Variants in FMNL2 observed in about 807,000 individuals in gnomAD.
FMNL2 encodes the protein formin-like protein 2.
In FMNL2, 51 loss-of-function variants were observed where a neutral mutation model predicts 130.2. The ratio of observed to expected loss-of-function variants is 0.39; its 90% CI spans 0.31 to 0.49. FMNL2 has a LOEUF of 0.49. FMNL2 is among the 20% of genes least tolerant of loss of function. FMNL2 has a pLI of 0.85. For missense variants in FMNL2, 977 were observed against 1,316.2 expected, an observed-to-expected ratio of 0.74 and a Z score of 3.99; for synonymous variants, 465 against 467.1, an observed-to-expected ratio of 1.00 and a Z score of 0.06.
At chr2:152,529,255 T>C (rs1347487388) in intron 2 of FMNL2, among the ~76,000 whole-genome samples, 1 of 151,424 alleles carries the variant, frequency 6.6e-6, no homozygotes, top group African/African-American at 2.4e-5. Context: ...GAGTTTTCCT[T>C]ATAAGTCAAG....
intron 6 of FMNL2, among the ~76,000 whole-genome samples, chr2:152,574,253 T>C (rs1356102871): frequency 6.6e-6 from 1 of 151,842 alleles, no homozygotes; most frequent in African/African-American, 2.4e-5. Flanking sequence ...CTGGCCAACA[T>C]GGGGAAACTC....
At chr2:152,547,098 A>G (rs1694690421) in intron 3 of FMNL2, among the ~76,000 whole-genome samples, 1 of 152,050 alleles carries the variant, frequency 6.6e-6, no homozygotes, top group African/African-American at 2.4e-5. Context: ...GGCTTGTGCT[A>G]CCATGCCTAA....
chr2:152,463,956 G>A (rs533560949), intron 1 of FMNL2, among the ~76,000 whole-genome samples: 1 of 152,186 alleles, frequency 6.6e-6, no homozygotes, highest in Non-Finnish European at 1.5e-5. Context: ...GTTTTGAGAT[G>A]GAGTCTCGCT....
In FMNL2 at chr2:152,389,849, CTT is replaced by C. The variant is rs771244832; in HGVS notation, c.117+54131_117+54132del. On this transcript the variant is annotated intron_variant, in intron 1 of 25. Coordinates refer to ENST00000288670, the MANE Select transcript of FMNL2 (RefSeq NM_052905.4). The stretch of plus-strand genomic sequence containing the variant: ...ATGGCAAAGAAGCTTATCATACAGA[CTT>C]TCAGCCACGACAATCAGCTGGCACA... 351 of 1,097,372 alleles carry C rather than the reference CTT, an allele frequency of 3.2e-4. 1 individual carries two copies. Among genetic ancestry groups the C allele is most frequent in the Non-Finnish European group, 4.6e-4 (329 of 721,292 alleles). 68.0% of individuals were successfully genotyped at this position (1,097,372 alleles called of 1,614,324 possible).
chr2:152,480,365 T>C (rs917358859), intron 1 of FMNL2, among the ~76,000 whole-genome samples: 16 of 152,192 alleles, frequency 1.1e-4, no homozygotes, highest in Non-Finnish European at 2.1e-4. Context: ...GCGCAGTGGC[T>C]CACGCCTGTA....
chr2:152,514,602 T>C, intron 1 of FMNL2, among the ~76,000 whole-genome samples: 1 of 152,200 alleles, frequency 6.6e-6, no homozygotes, highest in East Asian at 1.9e-4. Flanking sequence ...CCTTAAATAG[T>C]ACTGAAACTA....
At chr2:152,350,916 G>A (rs996014231) in intron 1 of FMNL2, among the ~76,000 whole-genome samples, 4 of 152,036 alleles carry the variant, frequency 2.6e-5, no homozygotes, top group East Asian at 3.9e-4. Context: ...ATGGTGGCGC[G>A]CACTTGTAGT....
rs750588432 is a variant in FMNL2, at chr2:152,617,115, G to A, written c.1237G>A (p.Glu413Lys). 6.2e-7 allele frequency: 1 copy of A among 1,613,968 alleles called. No homozygotes were observed. Among genetic ancestry groups the A allele is most frequent in the Non-Finnish European group, 8.5e-7 (1 of 1,179,900 alleles). Residue 413 changes from glutamate (E) to lysine (K), a missense_variant, in exon 13 of 26, where the codon GAG (glutamate) becomes AAG (lysine). Transcript: ENST00000288670. ...GTTATCTGAAAAACTGCAAGACACAGAGAATGAAGCCATGTCCAAGATTGT... is the reference window on the plus strand; with the variant it reads ...GTTATCTGAAAAACTGCAAGACACAAAGAATGAAGCCATGTCCAAGATTGT... ...SHLSEKLQDT[E>K]NEAMSKIVEL...
chr2:152,626,379 A>G (rs1681786493), intron 16 of FMNL2, 146 bp from the exon 17 acceptor site: 1 of 686,094 alleles, frequency 1.5e-6, no homozygotes, highest in African/African-American at 1.8e-5. Flanking sequence ...TACTATAACA[A>G]AAACAAGAAA....
At chr2:152,531,077 T>A (rs1023837365) in intron 2 of FMNL2, among the ~76,000 whole-genome samples, 2 of 152,182 alleles carry the variant, frequency 1.3e-5, no homozygotes, top group African/African-American at 4.8e-5. Context: ...CTTATACAGA[T>A]GTTTCTTACC....
At chr2:152,503,685 A>G (rs1691985928) in intron 1 of FMNL2, among the ~76,000 whole-genome samples, 1 of 152,178 alleles carries the variant, frequency 6.6e-6, no homozygotes, top group Non-Finnish European at 1.5e-5. Flanking sequence ...GATCAAGAAC[A>G]TTATTTACCT....
At chr2:152,464,249 T>C (rs1689406186) in intron 1 of FMNL2, among the ~76,000 whole-genome samples, 1 of 152,172 alleles carries the variant, frequency 6.6e-6, no homozygotes, top group Admixed American at 6.5e-5. Context: ...CAGCCACTGA[T>C]GGTTAATTTT....
intron 25 of FMNL2, among the ~76,000 whole-genome samples, chr2:152,646,157 CAAAA>C (rs3080636): frequency 3.1e-4 from 36 of 116,892 alleles, no homozygotes; most frequent in African/African-American, 9.8e-4. Flanking sequence ...CCCATCTCTA[CAAAA>C]AAAAAAAAAC....
Position 152,636,501 on chromosome 2 carries a change from A to G in FMNL2, c.2755A>G (p.Met919Val). Reference sequence around the variant, plus strand: ...GGACTTGACCAAGAGAGAGTACACCATGCATGACCATAACACGCTGCTGAA... The same window carrying G: ...GGACTTGACCAAGAGAGAGTACACCGTGCATGACCATAACACGCTGCTGAA... ...GMDLTKREYT[M>V]HDHNTLLKEF... Residue 919 changes from methionine (M) to valine (V), a missense_variant, in exon 22 of 26, where the codon ATG becomes GTG. Met to Val is a conservative substitution (Grantham distance 21, BLOSUM62 1). This residue lies in a region of FMNL2 where 689 missense variants were observed against 995.9 expected (regional missense o/e 0.69). Transcript: ENST00000288670. 1 of 1,609,352 alleles carries G rather than the reference A, an allele frequency of 6.2e-7. No individual in the cohort carries two copies. Among genetic ancestry groups the G allele is most frequent in the Middle Eastern group, 1.7e-4 (1 of 6,060 alleles).
intron 2 of FMNL2, among the ~76,000 whole-genome samples, chr2:152,534,564 CT>C (rs10719527): frequency 0.48 from 63,292 of 131,314 alleles, 15,180 homozygotes; most frequent in East Asian, 0.8. Flanking sequence ...CTTATTTTGT[CT>C]TTTTTTTTTT....
intron 1 of FMNL2, among the ~76,000 whole-genome samples, chr2:152,434,146 C>T (rs1279902709): frequency 6.6e-6 from 1 of 152,094 alleles, no homozygotes; most frequent in East Asian, 1.9e-4. Flanking sequence ...TTGAAAGTTG[C>T]TTAGTAATTA....
chr2:152,591,765 C>G (rs143896863), intron 9 of FMNL2, among the ~76,000 whole-genome samples: 2,133 of 152,276 alleles, frequency 0.014, 23 homozygotes, highest in Middle Eastern at 0.034. Flanking sequence ...GTGATCACAC[C>G]GCTGCACTCC....
At position 152,396,376 on chromosome 2, in the gene FMNL2, G is replaced by A. The variant is rs147188932; in HGVS notation, c.117+60656G>A. ...GCTACTAAATTTAGAGAACTGATTC[G>A]TAATTTCTTGATCTAATACAGTGGG... On this transcript the variant is annotated intron_variant, in intron 1 of 25. Coordinates refer to ENST00000288670, the MANE Select transcript of FMNL2 (RefSeq NM_052905.4). Among the ~76,000 whole-genome samples the A allele has an allele frequency of 2.9e-3, 439 of 152,278 alleles. 1 individual carries two copies. The highest frequency in any genetic ancestry group is 0.012 in the South Asian group (60 of 4,828).
At chr2:152,545,228 G>A (rs989940067) in intron 3 of FMNL2, among the ~76,000 whole-genome samples, 3 of 152,164 alleles carry the variant, frequency 2.0e-5, no homozygotes, top group Non-Finnish European at 2.9e-5. Flanking sequence ...GACATGGCTT[G>A]CAGTTAAAAT....
Sources: gnomAD v4.1 joint callset for allele counts (sites outside exome capture counted in the v4.1 genomes callset) on GRCh38, gnomAD v4.1.1 for gene constraint, gnomAD v4.1.1 regional missense constraint, MANE v1.5 for transcripts, NCBI Gene and HGNC (gene_info 2026-07-23, HGNC 2026-07-21) for gene names.